Variants in NAP1L1 observed in about 807,000 individuals in gnomAD.
NAP1L1 encodes the protein nucleosome assembly protein 1-like 1.
In NAP1L1, 9 loss-of-function variants were observed where a neutral mutation model predicts 58.9. The observed-to-expected ratio is 0.15, with a 90% confidence interval of 0.09 to 0.27. The LOEUF (loss-of-function observed/expected upper bound fraction) is 0.27. Among genes scored for constraint, NAP1L1 ranks in the 10% least tolerant of loss-of-function variants. The probability of loss-of-function intolerance (pLI) is 1.00; values close to 1 mark genes in which losing one functional copy is unlikely to be tolerated. For missense variants in NAP1L1, 302 were observed against 458.8 expected (o/e 0.66, Z 3.12); for synonymous variants, 130 against 138.3 (o/e 0.94, Z 0.42).
chr12:76,078,226 T>C (rs1217004495), intron 1 of NAP1L1, among the ~76,000 whole-genome samples: 2 of 152,004 alleles, frequency 1.3e-5, no homozygotes, highest in Non-Finnish European at 2.9e-5. Context: ...ACGGTGGCTA[T>C]CTTTATGGTA....
intron 7 of NAP1L1, 120 bp downstream of exon 7, chr12:76,055,913 A>G: frequency 2.0e-6 from 2 of 1,020,864 alleles, no homozygotes; most frequent in South Asian, 1.4e-5. Context: ...GATATTAGCT[A>G]TTTCAAAAGT....
In NAP1L1 at chr12:76,047,057, C is replaced by CAG. The variant is rs557449698; in HGVS notation, c.*1370_*1371dup. 4 of 152,578 alleles carry CAG rather than the reference C, an allele frequency of 2.6e-5. No individual in the cohort carries two copies. The South Asian group carries it at 8.3e-4, about 32-fold the overall frequency. 9.5% of individuals were successfully genotyped at this position (152,578 alleles called of 1,614,324 possible). On this transcript the variant is annotated 3_prime_UTR_variant, in exon 15 of 15. Coordinates refer to ENST00000618691, the MANE Select transcript of NAP1L1 (RefSeq NM_004537.7). ...GAGTGCTGACTGCCCAGATCCAGAACAGAGGTACTTAACACCTTTGTTTTC... is the reference window on the plus strand; with the variant it reads ...GAGTGCTGACTGCCCAGATCCAGAACAGAGAGGTACTTAACACCTTTGTTTTC...
intron 12 of NAP1L1, among the ~76,000 whole-genome samples, chr12:76,050,319 A>G (rs915878658): frequency 1.3e-5 from 2 of 152,188 alleles, no homozygotes; most frequent in African/African-American, 4.8e-5. Context: ...GAACAATCTT[A>G]TTAGCAGAAA....
At chr12:76,056,235 C>A in intron 6 of NAP1L1, 74 bp from the exon 7 acceptor site, 1 of 1,437,372 alleles carries the variant, frequency 7.0e-7, no homozygotes, top group Admixed American at 2.2e-5. Flanking sequence ...GGTATAAAAA[C>A]CAAAAAGCAC....
At chr12:76,072,014 T>C (rs1268205373) in intron 2 of NAP1L1, among the ~76,000 whole-genome samples, 2 of 151,336 alleles carry the variant, frequency 1.3e-5, no homozygotes, top group Admixed American at 6.6e-5. Context: ...ATGCCCACTC[T>C]GGTGACCCTA....
intron 6 of NAP1L1, chr12:76,056,992 C>CA (rs1949135806): frequency 5.0e-6 from 1 of 201,986 alleles, no homozygotes; most frequent in Non-Finnish European, 1.0e-5. Flanking sequence ...AACAGAGACT[C>CA]AAAAAAACTA....
rs376256972 is a variant in NAP1L1, at chr12:76,059,783, A to G, written c.429+15T>C. 8.4e-6 allele frequency: 13 copies of G among 1,546,202 alleles called. No individual in the cohort carries two copies. The African/African-American group carries it at 1.5e-4, about 18-fold the overall frequency. ...TATCATCTTAAAAACATACCAAAAT[A>G]AAGTTGGTACTAACCGAAATCTCAT... On this transcript the variant is annotated intron_variant, in intron 6 of 14. Coordinates refer to ENST00000618691, the MANE Select transcript of NAP1L1 (RefSeq NM_004537.7).
chr12:76,076,575 TATATATATATATATATATC>T (rs1950188280), intron 1 of NAP1L1, among the ~76,000 whole-genome samples: 1 of 127,436 alleles, frequency 7.8e-6, no homozygotes, highest in African/African-American at 3.0e-5. Context: ...TATATATATA[TATATATATATATATATATC>T]TCCACTCATA....
intron 1 of NAP1L1, among the ~76,000 whole-genome samples, chr12:76,075,718 T>A (rs1950145775): frequency 6.6e-6 from 1 of 152,162 alleles, no homozygotes. Context: ...ATCAAAGAAA[T>A]CCAAGTAGGA....
intron 1 of NAP1L1, among the ~76,000 whole-genome samples, chr12:76,076,893 T>C (rs1022255398): frequency 2.6e-5 from 4 of 152,182 alleles, no homozygotes; most frequent in African/African-American, 9.7e-5. Flanking sequence ...AGCATGTGAC[T>C]GTATTGAATA....
chr12:76,082,387 AAGTGC>A (rs1490086818), intron 1 of NAP1L1, among the ~76,000 whole-genome samples: 2 of 152,238 alleles, frequency 1.3e-5, no homozygotes, highest in Non-Finnish European at 2.9e-5. Context: ...ATTAAAGGCC[AAGTGC>A]AGTAATTTAC....
At chr12:76,075,372 T>A (rs1320055208) in intron 1 of NAP1L1, among the ~76,000 whole-genome samples, 1 of 152,192 alleles carries the variant, frequency 6.6e-6, no homozygotes, top group Non-Finnish European at 1.5e-5. Context: ...TTAATACATA[T>A]TTAATTCACA....
chr12:76,081,085 T>TC (rs1950388368), intron 1 of NAP1L1, among the ~76,000 whole-genome samples: 1 of 151,530 alleles, frequency 6.6e-6, no homozygotes, highest in East Asian at 1.9e-4. Context: ...ATTCTTTTTT[T>TC]TTAAATAAAT....
intron 4 of NAP1L1, among the ~76,000 whole-genome samples, chr12:76,062,951 C>A (rs892647606): frequency 2.0e-5 from 3 of 152,082 alleles, no homozygotes; most frequent in African/African-American, 4.8e-5. Context: ...AGACTAACAA[C>A]AGGCATTAAA....
chr12:76,059,807 A>G lies in NAP1L1; in HGVS notation c.420T>C (p.Asp140=), dbSNP rs1949317439. 1 of 1,599,954 alleles carries G rather than the reference A, an allele frequency of 6.3e-7. No homozygotes were observed. Among genetic ancestry groups the G allele is most frequent in the Non-Finnish European group, 8.5e-7 (1 of 1,173,116 alleles). Residue 140 remains aspartate, a synonymous_variant, in exon 6 of 15, where the codon GAT becomes GAC. Transcript: ENST00000618691. ...TAAAGTTGGTACTAACCGAAATCTC[A>G]TCTTCTTCATCTGGTTTCCATTCAC... The part of the protein sequence containing the change: ...EECEWKPDEE[D]EISEELKEKA...
At chr12:76,058,194 C>CATACAT (rs1949216018) in intron 6 of NAP1L1, 7 of 371,086 alleles carry the variant, frequency 1.9e-5, no homozygotes, top group South Asian at 1.5e-4. Context: ...GAGAGGCCTA[C>CATACAT]ATATATATAT....
In NAP1L1 at chr12:76,055,088, T is replaced by G. The variant is rs756095253; in HGVS notation, c.561A>C (p.Glu187Asp). 6.3e-7 allele frequency: 1 copy of G among 1,587,410 alleles called. No individual in the cohort carries two copies. Among genetic ancestry groups the G allele is most frequent in the Non-Finnish European group, 8.6e-7 (1 of 1,168,668 alleles). ...AGTGCTTCAGAATAGGTTCATCGTGTTCCTTCAAATTAAAAAAATAATAAA... is the reference window on the plus strand; with the variant it reads ...AGTGCTTCAGAATAGGTTCATCGTGGTCCTTCAAATTAAAAAAATAATAAA... ...NVDLLSDMVQEHDEPILKHLK... is the reference protein window; with the variant it reads ...NVDLLSDMVQDHDEPILKHLK... Residue 187 changes from glutamate to aspartate, a missense_variant and splice_region_variant, in exon 8 of 15, where the codon GAA becomes GAC. By Grantham distance (45) the Glu-to-Asp change is conservative (BLOSUM62 2). Coordinates refer to ENST00000618691, the MANE Select transcript of NAP1L1 (RefSeq NM_004537.7).
Position 76,040,481 on chromosome 12 carries a change from C to T in NAP1L1, c.*7948G>A, listed in dbSNP as rs1271219845. ...GGATTGAGACTGTTATAATCCAGTTCCACCTGAGAGTAAATATACATACAC... is the reference window on the plus strand; with the variant it reads ...GGATTGAGACTGTTATAATCCAGTTTCACCTGAGAGTAAATATACATACAC... On this transcript the variant is annotated 3_prime_UTR_variant, in exon 15 of 15. Transcript: ENST00000618691. 6.6e-6 allele frequency: 1 copy of T among 152,004 alleles called. No homozygotes were observed. Among genetic ancestry groups the T allele is most frequent in the Non-Finnish European group, 1.5e-5 (1 of 68,018 alleles). 9.4% of individuals were successfully genotyped at this position (152,004 alleles called of 1,614,324 possible).
intron 6 of NAP1L1, chr12:76,059,589 G>A (rs760690336): frequency 1.5e-4 from 68 of 464,726 alleles, no homozygotes; most frequent in African/African-American, 4.7e-4. Context: ...CCATGAAACC[G>A]CTGCTTATTG....
Sources: allele counts gnomAD v4.1 joint callset (sites outside exome capture counted in the v4.1 genomes callset), GRCh38; gene constraint gnomAD v4.1.1; transcripts MANE v1.5; gene names NCBI Gene and HGNC (gene_info 2026-07-23, HGNC 2026-07-21).